The following INSL6 variants were observed in gnomAD, a reference collection of about 807,000 sequenced individuals.
INSL6 encodes the protein insulin-like peptide INSL6.
In INSL6, 16 loss-of-function variants were observed where a neutral mutation model predicts 9.4. The ratio of observed to expected loss-of-function variants is 1.70; its 90% CI spans 1.15 to 2.59. The LOEUF (loss-of-function observed/expected upper bound fraction) is 2.59. Among genes scored for constraint, INSL6 ranks in the 30% most tolerant of loss-of-function variants. The pLI, the probability that INSL6 is intolerant of heterozygous loss-of-function variation, is 0.00. For synonymous variants in INSL6, 154 were observed against 96.9 expected, an observed-to-expected ratio of 1.59 and a Z score of -3.46; for missense variants, 391 against 257.3, an observed-to-expected ratio of 1.52 and a Z score of -3.56.
chr9:5,035,417 A>G, the INSL6 span, among the ~76,000 whole-genome samples: 1 of 152,218 alleles, frequency 6.6e-6, no homozygotes, highest in Non-Finnish European at 1.5e-5. Context: ...AAAGCCTGGC[A>G]GAGACACAAC....
At chr9:5,111,333 G>A in the INSL6 span, 1 of 430,108 alleles carries the variant, frequency 2.3e-6, no homozygotes, top group Non-Finnish European at 4.5e-6. Context: ...GTCCCCCTCA[G>A]GCATGAAGGG....
At chr9:5,179,981 A>G (rs185410119) in intron 1 of INSL6, among the ~76,000 whole-genome samples, 9 of 152,330 alleles carry the variant, frequency 5.9e-5, no homozygotes, top group Non-Finnish European at 1.2e-4. Flanking sequence ...CACATCCTGC[A>G]CATGTACTCC....
chr9:5,030,069 G>T, the INSL6 span, among the ~76,000 whole-genome samples: 2 of 152,154 alleles, frequency 1.3e-5, no homozygotes, highest in South Asian at 4.1e-4. Context: ...CTCCATCAGA[G>T]AAACTGTTTA....
chr9:5,085,456 T>C, the INSL6 span: 24 of 735,482 alleles, frequency 3.3e-5, no homozygotes, highest in African/African-American at 3.1e-4. Flanking sequence ...GAAGGTCTTT[T>C]CAAGGTATTG....
At chr9:5,160,319 T>C (rs1410250667), downstream of INSL6, among the ~76,000 whole-genome samples, 1 of 151,868 alleles carries the variant, frequency 6.6e-6, no homozygotes, top group Non-Finnish European at 1.5e-5. Context: ...TACAAACACA[T>C]GGAAATTAAA....
intron 3 of INSL6, chr9:5,132,847 G>A (rs914120356): frequency 6.6e-6 from 1 of 152,158 alleles, no homozygotes; most frequent in Non-Finnish European, 1.5e-5. Context: ...AAAATTCCCT[G>A]TTAAACATTC....
At chr9:5,146,926 C>G (rs1824611022) in intron 2 of INSL6, among the ~76,000 whole-genome samples, 1 of 152,128 alleles carries the variant, frequency 6.6e-6, no homozygotes, top group Non-Finnish European at 1.5e-5. Flanking sequence ...TGTTAGCAAG[C>G]ATGACCAGGA....
intron 2 of INSL6, among the ~76,000 whole-genome samples, chr9:5,148,203 C>T (rs1388106634): frequency 1.3e-5 from 2 of 152,192 alleles, no homozygotes; most frequent in African/African-American, 4.8e-5. Context: ...GTATAGTCCA[C>T]TGACTTCATT....
intron 2 of INSL6, among the ~76,000 whole-genome samples, chr9:5,144,181 C>G (rs1218990206): frequency 6.6e-6 from 1 of 152,136 alleles, no homozygotes. Context: ...AGCTGTGTCC[C>G]AGAGATTCTG....
intron 1 of INSL6, among the ~76,000 whole-genome samples, chr9:5,171,070 CAATGTAAAAATCCTCAATA>C (rs1352735369): frequency 6.6e-6 from 1 of 152,046 alleles, no homozygotes; most frequent in Non-Finnish European, 1.5e-5. Context: ...TGAAGTACAC[CAATGTAAAAATCCTCAATA>C]AAATACTGGC....
chr9:5,103,445 G>T, the INSL6 span, among the ~76,000 whole-genome samples: 1 of 151,834 alleles, frequency 6.6e-6, no homozygotes, highest in Non-Finnish European at 1.5e-5. Context: ...CCTATAAAGA[G>T]ACTTAGACTC....
chr9:5,070,346 A>G, the INSL6 span, among the ~76,000 whole-genome samples: 9 of 152,096 alleles, frequency 5.9e-5, no homozygotes, highest in African/African-American at 2.2e-4. Flanking sequence ...GCAACTCCCA[A>G]GTTCTCAAGA....
chr9:5,122,869 T>C (rs1016805435), downstream of INSL6: 5 of 498,982 alleles, frequency 1.0e-5, no homozygotes, highest in Non-Finnish European at 1.7e-5. Context: ...CTTTTAATCA[T>C]AGAAGCCTCA....
At chr9:5,133,403 C>T (rs1297043618) in intron 3 of INSL6, 1 of 151,978 alleles carries the variant, frequency 6.6e-6, no homozygotes, top group Non-Finnish European at 1.5e-5. Context: ...ATAGTTTACA[C>T]ATAATCTTTT....
At chr9:5,170,279 A>T (rs891889663) in intron 1 of INSL6, among the ~76,000 whole-genome samples, 1 of 152,224 alleles carries the variant, frequency 6.6e-6, no homozygotes, top group Non-Finnish European at 1.5e-5. Flanking sequence ...ATTAAGGCAG[A>T]AATCAAGAAG....
the INSL6 span, among the ~76,000 whole-genome samples, chr9:5,071,254 T>C: frequency 1.3e-5 from 2 of 152,258 alleles, 1 homozygote; most frequent in Non-Finnish European, 2.9e-5. Flanking sequence ...GATAAAAGCA[T>C]TGCAAACACA....
the INSL6 span, chr9:5,114,307 A>G: frequency 1.8e-6 from 1 of 542,976 alleles, no homozygotes; most frequent in South Asian, 1.6e-5. Flanking sequence ...ACTTGGTCCC[A>G]GGCCAGTGGG....
the INSL6 span, among the ~76,000 whole-genome samples, chr9:5,074,327 A>T: frequency 6.6e-6 from 1 of 152,068 alleles, no homozygotes; most frequent in African/African-American, 2.4e-5. Context: ...TGTGCTTCTT[A>T]GATATTGTAT....
chr9:5,116,826 T>C, the INSL6 span, among the ~76,000 whole-genome samples: 7 of 152,132 alleles, frequency 4.6e-5, no homozygotes, highest in Non-Finnish European at 1.0e-4. Context: ...AGCTCATAAT[T>C]AGGAAAAGTC....
Sources: gnomAD v4.1 joint callset for allele counts (sites outside exome capture counted in the v4.1 genomes callset) on GRCh38, gnomAD v4.1.1 for gene constraint, MANE v1.5 for transcripts, NCBI Gene and HGNC (gene_info 2026-07-23, HGNC 2026-07-21) for gene names.